The following TBC1D31 variants were observed in gnomAD, a reference collection of about 807,000 sequenced individuals.
TBC1D31 encodes TBC1 domain family member 31.
Under a neutral mutation model 132.9 loss-of-function variants are expected in TBC1D31, and 99 were observed. The ratio of observed to expected loss-of-function variants is 0.74; its 90% CI spans 0.63 to 0.88. The LOEUF (loss-of-function observed/expected upper bound fraction) is 0.88. Ranked by LOEUF, TBC1D31 falls within the 40% of genes least tolerant of loss-of-function variation. TBC1D31 has a pLI of 0.00. For synonymous variants in TBC1D31, 385 were observed against 419.4 expected (o/e 0.92, Z 1.00); for missense variants, 1,134 against 1,256.6 (o/e 0.90, Z 1.48).
Position 123,083,086 on chromosome 8 carries a change from T to C in TBC1D31, c.340+269T>C, listed in dbSNP as rs1012464038. ...GCACTACACTTAATGACAGTTTTAA[T>C]ATAACAAAAGGATACAAAGTATAAC... On this transcript the variant is annotated intron_variant, in intron 3 of 21. Transcript: ENST00000287380. 48 of 307,834 alleles carry C rather than the reference T, an allele frequency of 1.6e-4. No individual in the cohort carries two copies. The Middle Eastern group carries it at 2.8e-3, about 18-fold the overall frequency. The allele number at this position is 307,834 out of a possible 1,614,324, so 19.1% of individuals were successfully genotyped here. A position where few individuals can be genotyped will look rare whatever the true frequency, so the allele number is the denominator to read the frequency against.
At chr8:123,141,650 A>G (rs1485062181) in intron 18 of TBC1D31, among the ~76,000 whole-genome samples, 2 of 152,046 alleles carry the variant, frequency 1.3e-5, no homozygotes, top group Admixed American at 6.5e-5. Flanking sequence ...CTTCTGTTGT[A>G]CAACAGTCTC....
At chr8:123,083,212 A>G (rs1815358548) in intron 3 of TBC1D31, 1 of 157,336 alleles carries the variant, frequency 6.4e-6, no homozygotes, top group African/African-American at 2.4e-5. Flanking sequence ...TGACACTCCC[A>G]GCATTGGTGT....
rs1815491109 is a variant in TBC1D31, at chr8:123,084,329, G to A, written c.508G>A (p.Gly170Ser). 6.2e-7 allele frequency: 1 copy of A among 1,613,934 alleles called. No individual in the cohort carries two copies. The highest frequency in any genetic ancestry group is 8.5e-7 in the Non-Finnish European group (1 of 1,179,938). ...KRKLNIRQSV[G>S]IQKVFFLPLS... Reference sequence around the variant, plus strand: ...AAAGCTGAATATTCGCCAGTCTGTGGGTATACAGAAGGTCAGTGAGGGGGT... The same window carrying A: ...AAAGCTGAATATTCGCCAGTCTGTGAGTATACAGAAGGTCAGTGAGGGGGT... Residue 170 changes from glycine to serine, a missense_variant, in exon 4 of 22, where the codon GGT becomes AGT. Physicochemically the swap from Gly to Ser is moderately conservative, Grantham distance 56. Transcript: ENST00000287380.
intron 2 of TBC1D31, among the ~76,000 whole-genome samples, chr8:123,077,533 A>ATTTTTTTTTTTTTTT (rs33948089): frequency 7.0e-6 from 1 of 143,482 alleles, no homozygotes; most frequent in Non-Finnish European, 1.5e-5. Context: ...ATTATTGCTA[A>ATTTTTTTTTTTTTTT]TTTTTTTTTT....
chr8:123,128,044 T>A (rs1207894350), intron 13 of TBC1D31: 1 of 318,118 alleles, frequency 3.1e-6, no homozygotes, highest in Non-Finnish European at 5.6e-6. Flanking sequence ...TTTTCTATTG[T>A]AAGAAAAGCC....
chr8:123,119,683 A>G (rs953598010), intron 10 of TBC1D31, among the ~76,000 whole-genome samples: 2 of 152,196 alleles, frequency 1.3e-5, no homozygotes, highest in Admixed American at 6.5e-5. Flanking sequence ...ACTGCATTCC[A>G]GTCTGGGTGA....
At chr8:123,141,963 C>T (rs543039338) in intron 18 of TBC1D31, among the ~76,000 whole-genome samples, 1 of 143,164 alleles carries the variant, frequency 7.0e-6, no homozygotes, top group Admixed American at 7.5e-5. Flanking sequence ...TGGGTTCAAG[C>T]AATTATCCTG....
Position 123,127,746 on chromosome 8 carries a change from A to G in TBC1D31, c.1885-535A>G. ...TCTGAAAGAAAGCATTAAGATCATT[A>G]TAAAAAGTAGACGCTCTTTTGGTAG... is the stretch of plus-strand genomic sequence containing the variant. On this transcript the variant is annotated intron_variant, in intron 13 of 21. Transcript: ENST00000287380. 2 of 152,794 alleles carry G rather than the reference A, an allele frequency of 1.3e-5. 1 individual carries two copies. The highest frequency in any genetic ancestry group is 2.9e-5 in the Non-Finnish European group (2 of 68,544). The allele number at this position is 152,794 out of a possible 1,614,324, so 9.5% of individuals were successfully genotyped here. A position where few individuals can be genotyped will look rare whatever the true frequency, so the allele number is the denominator to read the frequency against.
At chr8:123,147,903 A>C (rs185385617) in intron 20 of TBC1D31, among the ~76,000 whole-genome samples, 1 of 151,926 alleles carries the variant, frequency 6.6e-6, no homozygotes, top group Non-Finnish European at 1.5e-5. Context: ...CAAGGTGGGC[A>C]GATCACAAGG....
intron 4 of TBC1D31, among the ~76,000 whole-genome samples, chr8:123,088,048 G>A (rs1586575879): frequency 6.6e-6 from 1 of 152,140 alleles, no homozygotes; most frequent in Admixed American, 6.5e-5. Context: ...GATTAGCTGG[G>A]TGTGGTGGCA....
chr8:123,140,999 G>A lies in TBC1D31; in HGVS notation c.2640+98G>A, dbSNP rs568075726. 7.8e-6 allele frequency: 9 copies of A among 1,159,564 alleles called. No homozygotes were observed. The East Asian group carries it at 2.2e-4, about 28-fold the overall frequency. 71.8% of individuals were successfully genotyped at this position (1,159,564 alleles called of 1,614,324 possible). On this transcript the variant is annotated intron_variant, in intron 18 of 21. Coordinates refer to ENST00000287380, the MANE Select transcript of TBC1D31 (RefSeq NM_145647.4). ...TCGAAATTAAACTCTGTGAAGTTGAGTTAGTTTGTTTCTTTGCTTCAGTTG... is the reference window on the plus strand; with the variant it reads ...TCGAAATTAAACTCTGTGAAGTTGAATTAGTTTGTTTCTTTGCTTCAGTTG...
At chr8:123,077,023 A>G in intron 1 of TBC1D31, 88 bp from the exon 2 acceptor site, 1 of 1,284,112 alleles carries the variant, frequency 7.8e-7, no homozygotes. Flanking sequence ...GGAAGAATGA[A>G]CAGACGAAAT....
At chr8:123,115,961 G>A (rs531763437) in intron 10 of TBC1D31, among the ~76,000 whole-genome samples, 1 of 152,010 alleles carries the variant, frequency 6.6e-6, no homozygotes. Flanking sequence ...TTGGGGAGGG[G>A]GACAGTTTTC....
At chr8:123,076,706 T>A (rs959667972) in intron 1 of TBC1D31, among the ~76,000 whole-genome samples, 2 of 152,206 alleles carry the variant, frequency 1.3e-5, no homozygotes, top group Non-Finnish European at 2.9e-5. Context: ...AAACATTCCA[T>A]ACACAAAAAC....
At chr8:123,135,537 G>A (rs1397523004) in intron 17 of TBC1D31, among the ~76,000 whole-genome samples, 1 of 152,138 alleles carries the variant, frequency 6.6e-6, no homozygotes, top group Non-Finnish European at 1.5e-5. Flanking sequence ...GGGGACGGAG[G>A]CTGCAGTGAG....
rs1449703014 is a variant in TBC1D31, at chr8:123,142,249, A to G, written c.2641-13A>G. 1 of 1,554,644 alleles carries G rather than the reference A, an allele frequency of 6.4e-7. No individual in the cohort carries two copies. The highest frequency in any genetic ancestry group is 2.3e-5 in the East Asian group (1 of 43,718). On this transcript the variant is annotated splice_polypyrimidine_tract_variant and intron_variant, in intron 18 of 21. Transcript: ENST00000287380. ...GTTTGACCTTGTTTCTGAAATGTAT[A>G]ACTTTTTCCTAGGTGATTAAAGAAA...
At chr8:123,089,711 A>G (rs1816145122) in intron 4 of TBC1D31, among the ~76,000 whole-genome samples, 1 of 152,248 alleles carries the variant, frequency 6.6e-6, no homozygotes, top group South Asian at 2.1e-4. Flanking sequence ...CTGTCTCAAA[A>G]AAACAAAACT....
At chr8:123,158,058 A>C in the TBC1D31 span, among the ~76,000 whole-genome samples, 1 of 134,342 alleles carries the variant, frequency 7.4e-6, no homozygotes. Context: ...ACAGGACTTC[A>C]GGAATAACCG....
At chr8:123,083,964 T>C (rs1815453851) in intron 3 of TBC1D31, 198 bp from the exon 4 acceptor site, 1 of 496,264 alleles carries the variant, frequency 2.0e-6, no homozygotes, top group Non-Finnish European at 3.6e-6. Flanking sequence ...GTCTCCTACA[T>C]GAATGAGATG....
Sources: allele counts gnomAD v4.1 joint callset (sites outside exome capture counted in the v4.1 genomes callset), GRCh38; gene constraint gnomAD v4.1.1; transcripts MANE v1.5; gene names NCBI Gene and HGNC (gene_info 2026-07-23, HGNC 2026-07-21).